WDR76: variants seen among roughly 807,000 people sequenced by gnomAD.
The protein encoded by WDR76 is WD repeat domain 76, also known as WD repeat-containing protein 76.
A neutral mutation model predicts 70.2 loss-of-function variants in WDR76; 52 were observed. That is an observed-to-expected ratio of 0.74 (90% CI 0.59 to 0.93). WDR76 has a LOEUF of 0.93. Ranked by LOEUF, WDR76 falls within the 40% of genes least tolerant of loss-of-function variation. The probability of loss-of-function intolerance (pLI) is 0.00; values close to 1 mark genes in which losing one functional copy is unlikely to be tolerated. For synonymous variants in WDR76, 292 were observed against 271.1 expected, an observed-to-expected ratio of 1.08 and a Z score of -0.76; for missense variants, 756 against 760.2, an observed-to-expected ratio of 0.99 and a Z score of 0.07.
chr15:43,838,667 TTC>T (rs1339365666), intron 4 of WDR76, among the ~76,000 whole-genome samples: 35 of 152,346 alleles, frequency 2.3e-4, no homozygotes, highest in African/African-American at 7.9e-4. Context: ...CTTTATTTCG[TTC>T]TTTTTTTCTG....
rs1354806796 is a variant in WDR76 at position 43,851,196 on chromosome 15, A to ATGATGGCAC, written c.1143_1151dup (p.Asp382_Thr384dup). On this transcript the variant is annotated inframe_insertion, in exon 9 of 13. Transcript: ENST00000263795. The stretch of plus-strand genomic sequence containing the variant: ...CCGGCCCACATACTGTCACTGAGCT[A>ATGATGGCAC]TGATGGCACGTTACGCTGTGGGGAT... The ATGATGGCAC allele has an allele frequency of 2.5e-6, 4 of 1,614,064 alleles. No individual in the cohort carries two copies. The African/African-American group carries it at 5.3e-5, about 22-fold the overall frequency.
intron 5 of WDR76, 24 bp from the exon 6 acceptor site, chr15:43,842,391 A>G: frequency 3.1e-6 from 5 of 1,607,876 alleles, no homozygotes; most frequent in Non-Finnish European, 4.2e-6. Flanking sequence ...AGCCCAACAA[A>G]TAACTTTTTA....
chr15:43,845,329 T>C (rs1358276612), intron 8 of WDR76, among the ~76,000 whole-genome samples: 1 of 150,222 alleles, frequency 6.7e-6, no homozygotes, highest in East Asian at 1.9e-4. Context: ...ATTCATATGT[T>C]GAAATACTAA....
At chr15:43,827,896 G>A (rs1393171924) in intron 1 of WDR76, 69 bp from the exon 2 acceptor site, 2 of 1,415,664 alleles carry the variant, frequency 1.4e-6, no homozygotes, top group African/African-American at 2.9e-5. Context: ...AGATCTGTTA[G>A]GGATCCTGTA....
intron 4 of WDR76, among the ~76,000 whole-genome samples, chr15:43,837,811 C>T (rs1424783788): frequency 6.6e-6 from 1 of 151,680 alleles, no homozygotes; most frequent in African/African-American, 2.4e-5. Flanking sequence ...CCCATATATA[C>T]CCCTCCCTCC....
rs1358798203 is a variant in WDR76 at position 43,828,101 on chromosome 15, GC to G, written c.201del (p.Lys68AsnfsTer19). On this transcript the variant is annotated frameshift_variant, in exon 2 of 13. Coordinates refer to ENST00000263795, the MANE Select transcript of WDR76 (RefSeq NM_024908.4). LOFTEE classifies it high-confidence loss of function. Reference protein sequence around the residue: ...LSNYQLDQLMCPKSLSEKNSN... With the variant: ...LSNYQLDQLMXPKSLSEKNSN... ...AATTACCAGCTAGACCAGCTTATGT[GC>G]CCCAAATCCCTATCAGAAAAGAATT... 1 of 1,613,986 alleles carries G rather than the reference GC, an allele frequency of 6.2e-7. No individual in the cohort carries two copies. The highest frequency in any genetic ancestry group is 1.3e-5 in the African/African-American group (1 of 74,884).
At position 43,851,282 on chromosome 15, in the gene WDR76, A is replaced by G. The variant is rs2087856707; in HGVS notation, c.1191+37A>G. The G allele has an allele frequency of 1.9e-6, 3 of 1,597,164 alleles. No individual in the cohort carries two copies. In the South Asian group the frequency reaches 3.4e-5, roughly 18 times the overall value. On this transcript the variant is annotated intron_variant, in intron 9 of 12. Transcript: ENST00000263795. ...TGTGTTTACATGCTGACTTCAGATG[A>G]TATTCTAGATTCTTCGAAATGCCAC...
At chr15:43,856,339 A>AT (rs1269376263) in intron 9 of WDR76, among the ~76,000 whole-genome samples, 1 of 152,186 alleles carries the variant, frequency 6.6e-6, no homozygotes, top group African/African-American at 2.4e-5. Flanking sequence ...AAATGTATAT[A>AT]TTTACTCTTC....
At chr15:43,863,548 A>ACT (rs1567194152) in intron 12 of WDR76, among the ~76,000 whole-genome samples, 20 of 141,488 alleles carry the variant, frequency 1.4e-4, no homozygotes, top group African/African-American at 5.2e-4. Flanking sequence ...TTTGTTAACT[A>ACT]CTCTCTTTTT....
chr15:43,864,592 T>C (rs910658950), intron 12 of WDR76, among the ~76,000 whole-genome samples: 7 of 152,230 alleles, frequency 4.6e-5, no homozygotes, highest in African/African-American at 1.7e-4. Flanking sequence ...TTTTTAATTA[T>C]TTGTTTTCTT....
intron 9 of WDR76, among the ~76,000 whole-genome samples, chr15:43,853,046 A>G (rs1305505588): frequency 6.6e-6 from 1 of 151,634 alleles, no homozygotes; most frequent in Non-Finnish European, 1.5e-5. Context: ...GTGCCACCAC[A>G]CCTGGCTAAT....
At position 43,868,052 on chromosome 15, in the gene WDR76, G is replaced by T. The variant is rs999479612; in HGVS notation, c.*1660G>T. On this transcript the variant is annotated 3_prime_UTR_variant, in exon 13 of 13. Transcript: ENST00000263795. The stretch of plus-strand genomic sequence containing the variant: ...CTTCTCTGTAATCTAAGTGTAAAAA[G>T]GTTTAGTTTTTTAATAGGTTTAGGT... 2.6e-5 allele frequency: 4 copies of T among 152,056 alleles called. No individual in the cohort carries two copies. The highest frequency in any genetic ancestry group is 9.7e-5 in the African/African-American group (4 of 41,420). The allele number at this position is 152,056 out of a possible 1,614,324, so 9.4% of individuals were successfully genotyped here. A position where few individuals can be genotyped will look rare whatever the true frequency, so the allele number is the denominator to read the frequency against.
At chr15:43,850,947 G>C in intron 8 of WDR76, 140 bp from the exon 9 acceptor site, 1 of 1,054,198 alleles carries the variant, frequency 9.5e-7, no homozygotes, top group East Asian at 2.5e-5. Flanking sequence ...CTTTGTGAAG[G>C]GGAGAGTGGT....
intron 2 of WDR76, among the ~76,000 whole-genome samples, chr15:43,832,812 G>T (rs2087608978): frequency 7.5e-6 from 1 of 133,178 alleles, no homozygotes; most frequent in Non-Finnish European, 1.5e-5. Flanking sequence ...GAATGCAGTG[G>T]TGTGATCTCG....
chr15:43,828,175 A>G lies in WDR76; in HGVS notation c.271A>G (p.Arg91Gly), dbSNP rs571574910. Residue 91 changes from arginine to glycine, a missense_variant, in exon 2 of 13, where the codon AGA becomes GGA. Coordinates refer to ENST00000263795, the MANE Select transcript of WDR76 (RefSeq NM_024908.4). ...GAAGACTAAAATAAAGAAAACTTGCAGAAGGATTATACCTCCAAAGATGAA... is the reference window on the plus strand; with the variant it reads ...GAAGACTAAAATAAAGAAAACTTGCGGAAGGATTATACCTCCAAAGATGAA... ...CKKTKIKKTC[R>G]RIIPPKMKNT... is the part of the protein sequence containing the mutation. 2 of 1,614,008 alleles carry G rather than the reference A, an allele frequency of 1.2e-6. No individual in the cohort carries two copies. Among genetic ancestry groups the G allele is most frequent in the Non-Finnish European group, 1.7e-6 (2 of 1,180,024 alleles).
intron 12 of WDR76, among the ~76,000 whole-genome samples, chr15:43,864,277 G>A (rs2088042005): frequency 6.6e-6 from 1 of 152,158 alleles, no homozygotes; most frequent in Non-Finnish European, 1.5e-5. Flanking sequence ...TCTCAGTAGT[G>A]GGATTGCTGG....
rs2087864643 is a variant in WDR76, at chr15:43,851,921, G to A, written c.1191+676G>A. Among the ~76,000 whole-genome samples the A allele has an allele frequency of 2.0e-5, 3 of 152,120 alleles. No homozygotes were observed. In the South Asian group the frequency reaches 6.2e-4, roughly 32 times the overall value. On this transcript the variant is annotated intron_variant, in intron 9 of 12. Transcript: ENST00000263795. The stretch of plus-strand genomic sequence containing the variant: ...CTTGTCTCTAAAAAAAATTAGCTTG[G>A]TGTGGTGGCATGTGCCTGTAGTCAC...
chr15:43,865,128 C>T (rs1401691848), intron 12 of WDR76, among the ~76,000 whole-genome samples: 1 of 147,298 alleles, frequency 6.8e-6, no homozygotes, highest in East Asian at 2.0e-4. Context: ...CAGAATCTCA[C>T]TCTGTTGCCC....
chr15:43,865,295 CAG>C (rs1444033785), intron 12 of WDR76, among the ~76,000 whole-genome samples: 2 of 151,766 alleles, frequency 1.3e-5, no homozygotes, highest in Admixed American at 6.6e-5. Flanking sequence ...TTTTTTGAGA[CAG>C]AGTCTCACTC....
Sources: allele counts gnomAD v4.1 joint callset (sites outside exome capture counted in the v4.1 genomes callset), GRCh38; gene constraint gnomAD v4.1.1; transcripts MANE v1.5; gene names NCBI Gene and HGNC (gene_info 2026-07-23, HGNC 2026-07-21).